The following ACAD10 variants were observed in gnomAD, a reference collection of about 807,000 sequenced individuals.
ACAD10 encodes the protein acyl-CoA dehydrogenase family member 10, also known as ACAD-10.
A neutral mutation model predicts 116.8 loss-of-function variants in ACAD10; 112 were observed. The observed-to-expected ratio is 0.96, with a 90% CI of 0.82 to 1.12. The LOEUF (loss-of-function observed/expected upper bound fraction) is 1.12. Among genes scored for constraint, ACAD10 ranks in the 50% most tolerant of loss-of-function variants. The pLI is 0.00. For synonymous variants in ACAD10, 486 were observed against 510.6 expected (o/e 0.95, Z 0.65); for missense variants, 1,259 against 1,350.2 (o/e 0.93, Z 1.06).
chr12:111,727,733 A>G (rs1257383105), intron 8 of ACAD10, among the ~76,000 whole-genome samples: 1 of 152,018 alleles, frequency 6.6e-6, no homozygotes, highest in South Asian at 2.1e-4. Context: ...GCACGTGTGT[A>G]TGTATATGTG....
At chr12:111,755,959 A>G in intron 20 of ACAD10, 1 of 699,420 alleles carries the variant, frequency 1.4e-6, no homozygotes, top group South Asian at 1.8e-5. Context: ...ACAGGCACAG[A>G]AAAGTGAAGT....
chr12:111,724,818 G>T (rs1273614360), intron 8 of ACAD10, among the ~76,000 whole-genome samples: 1 of 149,598 alleles, frequency 6.7e-6, no homozygotes, highest in African/African-American at 2.5e-5. Context: ...GAAAGAGAGG[G>T]AGAGGGAGAC....
chr12:111,718,884 C>T (rs1016040184), intron 7 of ACAD10, among the ~76,000 whole-genome samples: 2 of 152,024 alleles, frequency 1.3e-5, no homozygotes, highest in African/African-American at 4.8e-5. Flanking sequence ...CCAGGTGGAT[C>T]ACCTGAGGTC....
intron 6 of ACAD10, chr12:111,715,452 A>C (rs1888812531): frequency 7.9e-6 from 2 of 251,636 alleles, no homozygotes; most frequent in African/African-American, 4.4e-5. Flanking sequence ...AAAGCATTCC[A>C]TTTGGCAAGA....
chr12:111,739,771 G>C (rs746338866), intron 12 of ACAD10, among the ~76,000 whole-genome samples: 3 of 151,746 alleles, frequency 2.0e-5, no homozygotes, highest in Non-Finnish European at 4.4e-5. Flanking sequence ...AAAAAAAGGT[G>C]GGGGGAGCGG....
chr12:111,703,728 C>A (rs1888416770), intron 3 of ACAD10, among the ~76,000 whole-genome samples: 1 of 151,902 alleles, frequency 6.6e-6, no homozygotes, highest in Non-Finnish European at 1.5e-5. Context: ...ATCCCAGCTA[C>A]TTGGGAGGCT....
At chr12:111,733,803 C>G in intron 10 of ACAD10, 120 bp from the exon 11 acceptor site, 1 of 1,290,592 alleles carries the variant, frequency 7.7e-7, no homozygotes, top group Non-Finnish European at 1.1e-6. Context: ...GCTCAGGCAC[C>G]CGGGCACAGA....
intron 12 of ACAD10, among the ~76,000 whole-genome samples, chr12:111,742,364 G>A (rs1031421245): frequency 6.6e-6 from 1 of 152,176 alleles, no homozygotes; most frequent in Non-Finnish European, 1.5e-5. Flanking sequence ...CCCCCACTGT[G>A]TGTCTGCAAG....
chr12:111,708,854 C>T (rs1265858202), intron 4 of ACAD10, among the ~76,000 whole-genome samples: 1 of 152,104 alleles, frequency 6.6e-6, no homozygotes, highest in Non-Finnish European at 1.5e-5. Context: ...CACCAGCACC[C>T]TCCACCCATT....
At chr12:111,700,559 A>G (rs1016448922) in intron 2 of ACAD10, among the ~76,000 whole-genome samples, 1 of 152,122 alleles carries the variant, frequency 6.6e-6, no homozygotes, top group Non-Finnish European at 1.5e-5. Context: ...GTTTCCTCAC[A>G]TGCTTGCCAA....
intron 12 of ACAD10, among the ~76,000 whole-genome samples, chr12:111,739,626 C>T (rs578240962): frequency 3.9e-5 from 6 of 152,100 alleles, no homozygotes; most frequent in African/African-American, 1.4e-4. Flanking sequence ...GGCCTGGTGG[C>T]GGGCACCTGT....
At chr12:111,696,027 G>GTA (rs1192975709) in intron 2 of ACAD10, among the ~76,000 whole-genome samples, 451 of 145,996 alleles carry the variant, frequency 3.1e-3, no homozygotes, top group African/African-American at 8.6e-3. Context: ...AAAAAAAAAA[G>GTA]TATATATATA....
At chr12:111,702,429 T>C (rs1888374031) in intron 3 of ACAD10, 119 bp downstream of exon 3, 2 of 1,377,862 alleles carry the variant, frequency 1.5e-6, no homozygotes, top group Admixed American at 4.4e-5. Flanking sequence ...ACCCATTACA[T>C]GTTTTAAAGT....
intron 19 of ACAD10, 141 bp from the exon 20 acceptor site, chr12:111,755,527 T>G: frequency 1.5e-6 from 1 of 662,732 alleles, no homozygotes. Flanking sequence ...CTCAGCCTCC[T>G]GAGTAGCTGG....
At chr12:111,735,645 T>C (rs1046075061) in intron 11 of ACAD10, among the ~76,000 whole-genome samples, 1 of 151,846 alleles carries the variant, frequency 6.6e-6, no homozygotes, top group Non-Finnish European at 1.5e-5. Flanking sequence ...GTAGTAGACA[T>C]GGGGTTTCAC....
intron 5 of ACAD10, chr12:111,710,009 C>T (rs1249314382): frequency 2.9e-6 from 1 of 342,030 alleles, no homozygotes; most frequent in Non-Finnish European, 5.5e-6. Flanking sequence ...CCAGTGGCCA[C>T]CAGCCATGCA....
At chr12:111,748,846 T>C in intron 17 of ACAD10, 1 of 743,464 alleles carries the variant, frequency 1.3e-6, no homozygotes. Flanking sequence ...GGTTCTCTGC[T>C]AATAGTGTTC....
At chr12:111,713,237 G>A (rs1389917825) in intron 6 of ACAD10, among the ~76,000 whole-genome samples, 1 of 151,932 alleles carries the variant, frequency 6.6e-6, no homozygotes, top group African/African-American at 2.4e-5. Context: ...CTTGAACCCA[G>A]GAGGTGGAGG....
At chr12:111,706,422 A>G (rs1012106293) in intron 4 of ACAD10, among the ~76,000 whole-genome samples, 2 of 152,032 alleles carry the variant, frequency 1.3e-5, no homozygotes, top group African/African-American at 4.8e-5. Context: ...ATGCTTGGCT[A>G]TATTTGGGTA....
Sources: allele counts gnomAD v4.1 joint callset (sites outside exome capture counted in the v4.1 genomes callset), GRCh38; gene constraint gnomAD v4.1.1; transcripts MANE v1.5; gene names NCBI Gene and HGNC (gene_info 2026-07-23, HGNC 2026-07-21).